The following FNBP1 variants were observed in gnomAD, a reference collection of about 807,000 sequenced individuals.
The protein encoded by FNBP1 is formin binding protein 1, also known as formin-binding protein 1.
A neutral mutation model predicts 90.6 loss-of-function variants in FNBP1; 26 were observed. That is an observed-to-expected ratio of 0.29 (90% CI 0.21 to 0.40). The LOEUF (loss-of-function observed/expected upper bound fraction) is 0.40. Ranked by LOEUF, FNBP1 falls within the 10% of genes least tolerant of loss-of-function variation. The probability of loss-of-function intolerance (pLI) is 1.00; values close to 1 mark genes in which losing one functional copy is unlikely to be tolerated. For synonymous variants in FNBP1, 260 were observed against 265.2 expected (o/e 0.98, Z 0.19); for missense variants, 635 against 768.0 (o/e 0.83, Z 2.05).
At chr9:129,986,221 G>T (rs941879853) in intron 2 of FNBP1, among the ~76,000 whole-genome samples, 4 of 151,984 alleles carry the variant, frequency 2.6e-5, no homozygotes, top group African/African-American at 9.7e-5. Context: ...AATCCAGTCT[G>T]CAAGAAAACA....
At chr9:130,020,086 C>T (rs1204512735) in intron 1 of FNBP1, among the ~76,000 whole-genome samples, 5 of 152,196 alleles carry the variant, frequency 3.3e-5, no homozygotes, top group African/African-American at 1.2e-4. Flanking sequence ...AAAACGCTAC[C>T]ATGATACAAA....
At chr9:130,023,749 T>G (rs184038861) in intron 1 of FNBP1, among the ~76,000 whole-genome samples, 2 of 152,104 alleles carry the variant, frequency 1.3e-5, no homozygotes, top group African/African-American at 2.4e-5. Context: ...CAGGATCCCA[T>G]GGAAACGTCA....
chr9:130,042,104 C>T lies in FNBP1; in HGVS notation c.24+848G>A, dbSNP rs1396668020. ...AGAGCTCCATCCACAGCCAGCCCCT[C>T]GCCTTTCCGGGGACGGCCCTCAGCC... On this transcript the variant is annotated intron_variant, in intron 1 of 16. Coordinates refer to ENST00000446176, the MANE Select transcript of FNBP1 (RefSeq NM_015033.3). The surrounding 1 kb of genome is among the most constrained non-coding windows in gnomAD (Gnocchi z 5.5). Among the ~76,000 whole-genome samples, 1 of 152,082 alleles carries T rather than the reference C, an allele frequency of 6.6e-6. No individual in the cohort carries two copies. The highest frequency in any genetic ancestry group is 1.5e-5 in the Non-Finnish European group (1 of 68,018).
At chr9:130,036,014 T>A (rs2059279227) in intron 1 of FNBP1, among the ~76,000 whole-genome samples, 1 of 151,928 alleles carries the variant, frequency 6.6e-6, no homozygotes, top group Non-Finnish European at 1.5e-5. Flanking sequence ...ATATTTGGCC[T>A]CATCATTAAA....
chr9:129,890,146 G>A lies in FNBP1; in HGVS notation c.*393C>T, dbSNP rs41279166. ...CGCTGGACCTGCCTTGTCTCCTCAG[G>A]GGACCCGTGATGACACTTTCACAAA... On this transcript the variant is annotated 3_prime_UTR_variant, in exon 17 of 17. Transcript: ENST00000446176. The surrounding 1 kb of genome is among the most constrained non-coding windows in gnomAD (Gnocchi z 5.8). 2,881 of 348,492 alleles carry A rather than the reference G, an allele frequency of 8.3e-3. 18 individuals are homozygous for A. Among genetic ancestry groups the A allele is most frequent in the Middle Eastern group, 0.02 (26 of 1,318 alleles). 21.6% of individuals were successfully genotyped at this position (348,492 alleles called of 1,614,324 possible). A position where few individuals can be genotyped will look rare whatever the true frequency, so the allele number is the denominator to read the frequency against.
intron 6 of FNBP1, among the ~76,000 whole-genome samples, chr9:129,956,933 C>A (rs979883314): frequency 6.6e-6 from 1 of 152,082 alleles, no homozygotes; most frequent in African/African-American, 2.4e-5. Flanking sequence ...GAAAATGATT[C>A]CCCATGTAGC....
At chr9:129,987,051 C>T (rs1431014497) in intron 2 of FNBP1, among the ~76,000 whole-genome samples, 5 of 151,998 alleles carry the variant, frequency 3.3e-5, no homozygotes, top group Non-Finnish European at 7.3e-5. Flanking sequence ...TAAAATTATT[C>T]ATATTTTTAC....
At chr9:129,951,436 ATTTATTTG>A (rs1371078503) in intron 6 of FNBP1, among the ~76,000 whole-genome samples, 1 of 130,096 alleles carries the variant, frequency 7.7e-6, no homozygotes. Context: ...TTATTTATTT[ATTTATTTG>A]TTTGTTTGTT....
intron 11 of FNBP1, 56 bp from the exon 12 acceptor site, chr9:129,909,055 A>G (rs773746909): frequency 1.6e-6 from 2 of 1,258,448 alleles, no homozygotes; most frequent in Middle Eastern, 1.9e-4. Context: ...CCTTGAAAGA[A>G]GGCTGAAAGC....
chr9:129,993,215 A>C (rs2131275123), intron 2 of FNBP1, among the ~76,000 whole-genome samples: 1 of 115,264 alleles, frequency 8.7e-6, no homozygotes, highest in East Asian at 2.6e-4. Flanking sequence ...CGACAGAGTG[A>C]GACTGTCTCA....
chr9:129,979,598 G>A (rs117812104), intron 2 of FNBP1, among the ~76,000 whole-genome samples: 4,306 of 152,294 alleles, frequency 0.028, 121 homozygotes, highest in Non-Finnish European at 0.036. Context: ...AATAAGAACA[G>A]AATTATTTAA....
chr9:130,050,275 G>A, the FNBP1 span, among the ~76,000 whole-genome samples: 7 of 152,048 alleles, frequency 4.6e-5, no homozygotes, highest in Admixed American at 6.6e-5. Context: ...TTTTTACAAC[G>A]AATAATCCAA....
chr9:129,931,522 C>T lies in FNBP1; in HGVS notation c.514-1827G>A, dbSNP rs139110984. On this transcript the variant is annotated intron_variant, in intron 6 of 16. Transcript: ENST00000446176. ...TCGGGAGGCTGAGGCACGAGAATGG[C>T]GTGAACCCGGGAGGCGGAGCTTGCA... Among the ~76,000 whole-genome samples, 632 of 152,094 alleles carry T rather than the reference C, an allele frequency of 4.2e-3. 15 individuals carry two copies. The highest frequency in any genetic ancestry group is 0.018 in the East Asian group (92 of 5,162).
At chr9:130,001,099 G>A (rs949735380) in intron 1 of FNBP1, among the ~76,000 whole-genome samples, 3 of 152,026 alleles carry the variant, frequency 2.0e-5, no homozygotes, top group South Asian at 2.1e-4. Context: ...TTGGGAGGCC[G>A]AGGCAGGCGG....
At chr9:129,924,901 A>T in intron 9 of FNBP1, 59 bp downstream of exon 9, 1 of 1,428,596 alleles carries the variant, frequency 7.0e-7, no homozygotes, top group Non-Finnish European at 9.5e-7. Context: ...TCTAAGACTA[A>T]AAGATCAAGT....
At chr9:129,943,474 C>T (rs1485699126) in intron 6 of FNBP1, among the ~76,000 whole-genome samples, 2 of 148,126 alleles carry the variant, frequency 1.4e-5, no homozygotes, top group Admixed American at 6.9e-5. Context: ...GCAACCTTTG[C>T]CTCCCAGCTT....
intron 10 of FNBP1, among the ~76,000 whole-genome samples, chr9:129,920,123 A>G (rs2040865489): frequency 6.6e-6 from 1 of 152,214 alleles, no homozygotes; most frequent in Admixed American, 6.5e-5. Flanking sequence ...GGGTATATGT[A>G]TGTGGTTTAA....
chr9:129,967,989 T>G (rs969068829), intron 4 of FNBP1, among the ~76,000 whole-genome samples: 2 of 152,172 alleles, frequency 1.3e-5, no homozygotes, highest in Non-Finnish European at 2.9e-5. Flanking sequence ...AAACTTTTTT[T>G]TTTTTTTTGG....
chr9:129,947,146 T>C (rs2045414443), intron 6 of FNBP1, among the ~76,000 whole-genome samples: 1 of 152,032 alleles, frequency 6.6e-6, no homozygotes, highest in African/African-American at 2.4e-5. Flanking sequence ...AACCAAACAT[T>C]AGAAAGAAAA....
Sources: allele counts gnomAD v4.1 joint callset (sites outside exome capture counted in the v4.1 genomes callset), GRCh38; gene constraint gnomAD v4.1.1; non-coding constraint Gnocchi (gnomAD v3.1); transcripts MANE v1.5; gene names NCBI Gene and HGNC (gene_info 2026-07-23, HGNC 2026-07-21).